Variants in AFF3 observed in about 807,000 individuals in gnomAD.
AFF3 encodes AF4/FMR2 family member 3.
A neutral mutation model predicts 129.7 loss-of-function variants in AFF3; 32 were observed. That is an observed-to-expected ratio of 0.25 (90% CI 0.19 to 0.33). AFF3 has a LOEUF of 0.33. Among genes scored for constraint, AFF3 ranks in the 10% least tolerant of loss-of-function variants. The pLI, the probability that AFF3 is intolerant of heterozygous loss-of-function variation, is 1.00. For missense variants in AFF3, 1,373 were observed against 1,592.0 expected, an observed-to-expected ratio of 0.86 and a Z score of 2.34; for synonymous variants, 644 against 635.4, an observed-to-expected ratio of 1.01 and a Z score of -0.20.
chr2:99,620,260 G>T (rs1681862904), intron 13 of AFF3, among the ~76,000 whole-genome samples: 1 of 152,188 alleles, frequency 6.6e-6, no homozygotes, highest in South Asian at 2.1e-4. Context: ...CCCACATGAA[G>T]AGATGGGCTT....
intron 7 of AFF3, among the ~76,000 whole-genome samples, chr2:99,907,659 G>A (rs562456588): frequency 3.1e-4 from 46 of 150,802 alleles, no homozygotes; most frequent in South Asian, 3.0e-3. Flanking sequence ...GTTTTTTTTA[G>A]ATAGGGTCTC....
rs903501156 is a variant in AFF3, at chr2:99,551,065, T to C, written c.*409A>G. 2.4e-6 allele frequency: 1 copy of C among 421,858 alleles called. No individual in the cohort carries two copies. Among genetic ancestry groups the C allele is most frequent in the Non-Finnish European group, 4.2e-6 (1 of 238,380 alleles). The allele number at this position is 421,858 out of a possible 1,614,324, so 26.1% of individuals were successfully genotyped here. On this transcript the variant is annotated 3_prime_UTR_variant, in exon 25 of 25. Transcript: ENST00000672756. ...GTATTGCACCTGGTTAACTAACCCA[T>C]GAGATTTTGGTTGAATTTTCTAAGA...
At chr2:99,690,617 A>T (rs1181479697) in intron 11 of AFF3, among the ~76,000 whole-genome samples, 6 of 152,124 alleles carry the variant, frequency 3.9e-5, no homozygotes, top group African/African-American at 1.4e-4. Flanking sequence ...CACGGCTTCG[A>T]TCGGTTGTAT....
At chr2:100,019,658 A>G (rs537838823) in intron 4 of AFF3, among the ~76,000 whole-genome samples, 22 of 152,344 alleles carry the variant, frequency 1.4e-4, no homozygotes, top group Admixed American at 4.6e-4. Context: ...GACAATAAAA[A>G]TATCAGAATC....
chr2:99,589,667 G>T (rs1297233854), intron 15 of AFF3, among the ~76,000 whole-genome samples: 1 of 152,078 alleles, frequency 6.6e-6, no homozygotes, highest in Non-Finnish European at 1.5e-5. Context: ...CCAAAGTGCT[G>T]TGATTATAGG....
At chr2:100,049,969 T>G (rs1356810792) in intron 4 of AFF3, among the ~76,000 whole-genome samples, 1 of 152,086 alleles carries the variant, frequency 6.6e-6, no homozygotes, top group Non-Finnish European at 1.5e-5. Flanking sequence ...ATCCCAGCAC[T>G]TTGAGAGGCT....
intron 8 of AFF3, among the ~76,000 whole-genome samples, chr2:99,771,945 C>T (rs1263984873): frequency 2.6e-5 from 4 of 152,166 alleles, no homozygotes; most frequent in Non-Finnish European, 5.9e-5. Context: ...TGAGAAGTTA[C>T]TGTATTGGAA....
chr2:99,962,752 T>C (rs1317963279), intron 7 of AFF3, among the ~76,000 whole-genome samples: 1 of 151,548 alleles, frequency 6.6e-6, no homozygotes, highest in African/African-American at 2.4e-5. Flanking sequence ...CTTTTCCGTT[T>C]TTTTTAAATA....
chr2:99,948,119 G>A (rs1056653565), intron 7 of AFF3, among the ~76,000 whole-genome samples: 3 of 152,182 alleles, frequency 2.0e-5, no homozygotes, highest in African/African-American at 7.2e-5. Context: ...CTTCAGGCTG[G>A]CTGACTCCTT....
rs1232308618 is a variant in AFF3, at chr2:99,727,112, C to A, written c.1056G>T (p.Glu352Asp). ...GHNNPKKGDA[E>D]PESPDNGTSN... is the part of the protein sequence containing the mutation. ...ATGTGCCATTGTCTGGACTCTCTGG[C>A]TCTGCATCACCTTTCTCTTAAAAAG... Residue 352 changes from glutamate to aspartate, a missense_variant, in exon 11 of 25, where the codon GAG (glutamate) becomes GAT (aspartate). Glu to Asp is a conservative substitution (Grantham distance 45, BLOSUM62 2). Around this residue, in one of 9 missense-constraint regions of AFF3, gnomAD observed 413 missense variants for 424.4 expected, o/e 0.97. Transcript: ENST00000672756. The A allele has an allele frequency of 1.2e-6, 2 of 1,610,464 alleles. No individual in the cohort carries two copies. Among genetic ancestry groups the A allele is most frequent in the Non-Finnish European group, 1.7e-6 (2 of 1,179,060 alleles).
intron 15 of AFF3, among the ~76,000 whole-genome samples, chr2:99,592,650 T>C (rs560820271): frequency 2.0e-5 from 3 of 152,264 alleles, no homozygotes; most frequent in Non-Finnish European, 4.4e-5. Flanking sequence ...ATAGGGATAA[T>C]AGGCTGGGCG....
intron 8 of AFF3, among the ~76,000 whole-genome samples, chr2:99,781,222 G>C (rs1684382918): frequency 6.6e-6 from 1 of 152,134 alleles, no homozygotes; most frequent in African/African-American, 2.4e-5. Flanking sequence ...TCCCTTACTT[G>C]ATAGATCTCT....
chr2:99,953,050 G>A (rs1289744732), intron 7 of AFF3, among the ~76,000 whole-genome samples: 1 of 152,174 alleles, frequency 6.6e-6, no homozygotes, highest in Admixed American at 6.5e-5. Flanking sequence ...GTCTTTACCG[G>A]GAACATCAAA....
At chr2:99,723,492 A>C (rs749724064) in intron 11 of AFF3, among the ~76,000 whole-genome samples, 6 of 152,206 alleles carry the variant, frequency 3.9e-5, no homozygotes, top group Non-Finnish European at 7.3e-5. Flanking sequence ...GTTCCACCAC[A>C]CCATGAATAT....
chr2:100,133,153 C>T (rs1692493736), intron 1 of AFF3, among the ~76,000 whole-genome samples: 1 of 151,574 alleles, frequency 6.6e-6, no homozygotes, highest in Admixed American at 6.6e-5. Context: ...GTAATCTCAG[C>T]ACTTTAGGAG....
intron 4 of AFF3, among the ~76,000 whole-genome samples, chr2:100,100,952 A>G (rs993477485): frequency 6.6e-6 from 1 of 152,238 alleles, no homozygotes; most frequent in African/African-American, 2.4e-5. Context: ...ACTCTACAGA[A>G]CAAAGCTACA....
intron 13 of AFF3, among the ~76,000 whole-genome samples, chr2:99,648,917 A>ACACACACACTCTCTCTCTCT: frequency 1.5e-4 from 7 of 46,930 alleles, no homozygotes; most frequent in African/African-American, 2.6e-4. Context: ...ACACACACAC[A>ACACACACACTCTCTCTCTCT]CTCTCTCTCT....
At chr2:99,698,805 ATTAG>A (rs1231969199) in intron 11 of AFF3, among the ~76,000 whole-genome samples, 6 of 152,222 alleles carry the variant, frequency 3.9e-5, no homozygotes, top group African/African-American at 9.6e-5. Flanking sequence ...TTTTTACTGT[ATTAG>A]TTAATCAAAA....
At chr2:99,554,970 T>G (rs1359407174) in intron 22 of AFF3, among the ~76,000 whole-genome samples, 2 of 152,112 alleles carry the variant, frequency 1.3e-5, no homozygotes, top group East Asian at 3.9e-4. Flanking sequence ...TTAAAGGGAG[T>G]TGCTCTTGAA....
Sources: gnomAD v4.1 joint callset for allele counts (sites outside exome capture counted in the v4.1 genomes callset) on GRCh38, gnomAD v4.1.1 for gene constraint, gnomAD v4.1.1 regional missense constraint, MANE v1.5 for transcripts, NCBI Gene and HGNC (gene_info 2026-07-23, HGNC 2026-07-21) for gene names.